HDAC11: variants seen among roughly 807,000 people sequenced by gnomAD.
The protein encoded by HDAC11 is histone deacetylase 11.
In HDAC11, 23 loss-of-function variants were observed where a neutral mutation model predicts 41.1. The ratio of observed to expected loss-of-function variants is 0.56; its 90% CI spans 0.40 to 0.79. The LOEUF (loss-of-function observed/expected upper bound fraction) is 0.79. Ranked by LOEUF, HDAC11 falls within the 30% of genes least tolerant of loss-of-function variation. The probability of loss-of-function intolerance (pLI) is 0.00; values close to 1 mark genes in which losing one functional copy is unlikely to be tolerated. For synonymous variants in HDAC11, 187 were observed against 186.6 expected (o/e 1.00, Z -0.02); for missense variants, 402 against 477.3 (o/e 0.84, Z 1.47).
chr3:13,504,468 G>A lies in HDAC11; in HGVS notation c.829G>A (p.Gly277Ser). The A allele has an allele frequency of 6.2e-7, 1 of 1,613,074 alleles. No individual in the cohort carries two copies. The highest frequency in any genetic ancestry group is 8.5e-7 in the Non-Finnish European group (1 of 1,179,980). Residue 277 changes from glycine to serine, a missense_variant and splice_region_variant, in exon 10 of 10, where the codon GGC becomes AGC. By Grantham distance (56) the Gly-to-Ser change is moderately conservative (BLOSUM62 0). Transcript: ENST00000295757. ...AGTCACCCTCCTCTTCCCCTAACAGGGCATCGTGAAGCGGGATGAGCTGGT... is the reference window on the plus strand; with the variant it reads ...AGTCACCCTCCTCTTCCCCTAACAGAGCATCGTGAAGCGGGATGAGCTGGT... ...RLGGLSISPAGIVKRDELVFR... is the reference protein window; with the variant it reads ...RLGGLSISPASIVKRDELVFR...
intron 3 of HDAC11, among the ~76,000 whole-genome samples, chr3:13,487,042 C>T (rs1452950114): frequency 6.6e-6 from 1 of 152,168 alleles, no homozygotes; most frequent in Non-Finnish European, 1.5e-5. Flanking sequence ...AGCCCCAGGC[C>T]ACACAAGGTC....
chr3:13,481,291 G>A lies in HDAC11; in HGVS notation c.48G>A (p.Trp16Ter). The stretch of plus-strand genomic sequence containing the variant: ...ACCAGCATGTGCCAGAGACACGCTG[G>A]CCAATCGTGTACTCGCCGCGCTACA... ...QLYQHVPETR[W>*]PIVYSPRYNI... is the part of the protein sequence containing the mutation. The change falls in exon 2 of 10, where the codon TGG becomes TGA. Residue 16 changes from tryptophan to a stop codon, truncating the protein, a stop_gained. Transcript: ENST00000295757. LOFTEE classifies it high-confidence loss of function. 3 of 1,612,930 alleles carry A rather than the reference G, an allele frequency of 1.9e-6. No individual in the cohort carries two copies. The highest frequency in any genetic ancestry group is 1.7e-6 in the Non-Finnish European group (2 of 1,180,008).
intron 3 of HDAC11, among the ~76,000 whole-genome samples, chr3:13,491,065 T>G (rs969093316): frequency 1.5e-5 from 2 of 134,688 alleles, no homozygotes; most frequent in African/African-American, 5.6e-5. Flanking sequence ...TTAGCTTTAA[T>G]AGTTGTGTGT....
rs1427589791 is a variant in HDAC11 at position 13,506,167 on chromosome 3, C to T, written c.*1484C>T. ...TTGCCGTTGGTCTCTGTCGCTGACTCGAGGCACCTAACATCCATTCACACC... is the reference window on the plus strand; with the variant it reads ...TTGCCGTTGGTCTCTGTCGCTGACTTGAGGCACCTAACATCCATTCACACC... On this transcript the variant is annotated 3_prime_UTR_variant, in exon 10 of 10. Coordinates refer to ENST00000295757, the MANE Select transcript of HDAC11 (RefSeq NM_024827.4). 7.9e-5 allele frequency: 12 copies of T among 152,240 alleles called. No homozygotes were observed. Among genetic ancestry groups the T allele is most frequent in the South Asian group, 4.1e-4 (2 of 4,834 alleles). The allele number at this position is 152,240 out of a possible 1,614,324, so 9.4% of individuals were successfully genotyped here. A position where few individuals can be genotyped will look rare whatever the true frequency, so the allele number is the denominator to read the frequency against.
chr3:13,498,407 C>T (rs571158344), intron 4 of HDAC11, 106 bp from the exon 5 acceptor site: 3 of 1,398,318 alleles, frequency 2.1e-6, no homozygotes, highest in African/African-American at 2.8e-5. Flanking sequence ...ATCCTTCCCC[C>T]AGAGCTGGCT....
Position 13,500,693 on chromosome 3 carries a change from C to T in HDAC11, c.413-20C>T, listed in dbSNP as rs377504911. The T allele has an allele frequency of 2.0e-5, 31 of 1,570,326 alleles. No individual in the cohort carries two copies. Among genetic ancestry groups the T allele is most frequent in the East Asian group, 4.6e-5 (2 of 43,394 alleles). On this transcript the variant is annotated intron_variant, in intron 5 of 9. Transcript: ENST00000295757. ...CTGGGAGCCTGGCTCTGAGCAGCAC[C>T]GCTCTCTGCCCTTCCGCAGGGGGTG...
chr3:13,502,166 G>T lies in HDAC11; in HGVS notation c.552+233G>T, dbSNP rs891788824. Reference sequence around the variant, plus strand: ...CTCCTCCTGACTGCCCCCACATGAGGCTCTTCCTGAAGCCCACTCTGATGG... The same window carrying T: ...CTCCTCCTGACTGCCCCCACATGAGTCTCTTCCTGAAGCCCACTCTGATGG... On this transcript the variant is annotated intron_variant, in intron 7 of 9. Coordinates refer to ENST00000295757, the MANE Select transcript of HDAC11 (RefSeq NM_024827.4). This position sits in a 1 kb window ranked among gnomAD's most constrained non-coding sequence, Gnocchi z 4.1. 1.1e-5 allele frequency: 6 copies of T among 548,460 alleles called. No homozygotes were observed. The South Asian group carries it at 1.4e-4, about 13-fold the overall frequency. 34.0% of individuals were successfully genotyped at this position (548,460 alleles called of 1,614,324 possible).
At position 13,480,864 on chromosome 3, in the gene HDAC11, G is replaced by A. The variant is rs1701282568; in HGVS notation, c.3-382G>A. ...CCTCACAACAGCCACACATTTTGCA[G>A]CCGAAGCCTTGTGCCACACAGCTGT... On this transcript the variant is annotated intron_variant, in intron 1 of 9. Coordinates refer to ENST00000295757, the MANE Select transcript of HDAC11 (RefSeq NM_024827.4). This position sits in a 1 kb window ranked among gnomAD's most constrained non-coding sequence, Gnocchi z 4.6. The A allele has an allele frequency of 2.6e-6, 1 of 386,356 alleles. No homozygotes were observed. Among genetic ancestry groups the A allele is most frequent in the Non-Finnish European group, 5.4e-6 (1 of 185,568 alleles). The allele number at this position is 386,356 out of a possible 1,614,324, so 23.9% of individuals were successfully genotyped here.
intron 9 of HDAC11, 57 bp from the exon 10 acceptor site, chr3:13,504,411 C>T (rs1702517234): frequency 3.7e-6 from 6 of 1,601,280 alleles, no homozygotes; most frequent in Admixed American, 1.7e-5. Context: ...TGCAGCAGGA[C>T]TTCCTGACAC....
At chr3:13,499,255 C>T (rs768978204) in intron 5 of HDAC11, among the ~76,000 whole-genome samples, 87 of 152,172 alleles carry the variant, frequency 5.7e-4, no homozygotes, top group Non-Finnish European at 8.5e-4. Flanking sequence ...CCGCAACCTC[C>T]GCCTCCCAGG....
At chr3:13,489,631 A>G (rs1224082721) in intron 3 of HDAC11, among the ~76,000 whole-genome samples, 1 of 152,220 alleles carries the variant, frequency 6.6e-6, no homozygotes, top group Non-Finnish European at 1.5e-5. Flanking sequence ...CGGTGGCTCC[A>G]TCTTGGCTCA....
In HDAC11 at chr3:13,505,218, T is replaced by G. The variant is rs1043993015; in HGVS notation, c.*535T>G. The G allele has an allele frequency of 1.2e-5, 2 of 162,370 alleles. No homozygotes were observed. Among genetic ancestry groups the G allele is most frequent in the Non-Finnish European group, 2.7e-5 (2 of 73,364 alleles). The allele number at this position is 162,370 out of a possible 1,614,324, so 10.1% of individuals were successfully genotyped here. On this transcript the variant is annotated 3_prime_UTR_variant, in exon 10 of 10. Transcript: ENST00000295757. ...CTGGAGCTAGGTCTCCAGGTGGGCC[T>G]GGTTCCCAGGCAGCAGGTGGGAACC...
rs1461613089 is a variant in HDAC11 at position 13,505,004 on chromosome 3, C to T, written c.*321C>T. 7.4e-6 allele frequency: 3 copies of T among 408,008 alleles called. No homozygotes were observed. The East Asian group carries it at 1.4e-4, about 19-fold the overall frequency. The allele number at this position is 408,008 out of a possible 1,614,324, so 25.3% of individuals were successfully genotyped here. ...GCTAGGTCCCAGGCACAGCGAGGGC[C>T]CTGGGCTTGGGGTGTTCTGGTTTTG... is the stretch of plus-strand genomic sequence containing the variant. On this transcript the variant is annotated 3_prime_UTR_variant, in exon 10 of 10. Coordinates refer to ENST00000295757, the MANE Select transcript of HDAC11 (RefSeq NM_024827.4).
At position 13,502,620 on chromosome 3, in the gene HDAC11, G is replaced by T. The variant is rs1702424778; in HGVS notation, c.553-264G>T. On this transcript the variant is annotated intron_variant, in intron 7 of 9. Coordinates refer to ENST00000295757, the MANE Select transcript of HDAC11 (RefSeq NM_024827.4). The surrounding 1 kb of genome is among the most constrained non-coding windows in gnomAD (Gnocchi z 4.1). ...TCCCAACCAGTCCCACCACAGACTT[G>T]AGAGGGTGGCAGAGCGGGATTTCTT... is the stretch of plus-strand genomic sequence containing the variant. 1 of 404,076 alleles carries T rather than the reference G, an allele frequency of 2.5e-6. No individual in the cohort carries two copies. The highest frequency in any genetic ancestry group is 4.0e-5 in the Admixed American group (1 of 25,044). 25.0% of individuals were successfully genotyped at this position (404,076 alleles called of 1,614,324 possible).
chr3:13,500,139 C>A (rs78181172), intron 5 of HDAC11, among the ~76,000 whole-genome samples: 8,881 of 152,102 alleles, frequency 0.058, 481 homozygotes, highest in East Asian at 0.25. Context: ...CACTGTCTGA[C>A]GGAGCAGTTG....
At chr3:13,484,753 G>A (rs1434630707) in intron 3 of HDAC11, among the ~76,000 whole-genome samples, 1 of 152,194 alleles carries the variant, frequency 6.6e-6, no homozygotes, top group Non-Finnish European at 1.5e-5. Flanking sequence ...ACCAAACTGG[G>A]CACACTGGCT....
In HDAC11 at chr3:13,481,277, C is replaced by T. The variant is rs368815162; in HGVS notation, c.34C>T (p.Pro12Ser). The change falls in exon 2 of 10, where the codon CCA becomes TCA. Residue 12 changes from proline to serine, a missense_variant. Pro to Ser is a moderately conservative substitution (Grantham distance 74, BLOSUM62 -1). Transcript: ENST00000295757. Reference sequence around the variant, plus strand: ...CACAACCCAGCTGTACCAGCATGTGCCAGAGACACGCTGGCCAATCGTGTA... The same window carrying T: ...CACAACCCAGCTGTACCAGCATGTGTCAGAGACACGCTGGCCAATCGTGTA... ...LHTTQLYQHV[P>S]ETRWPIVYSP... is the part of the protein sequence containing the mutation. 6 of 1,612,408 alleles carry T rather than the reference C, an allele frequency of 3.7e-6. No homozygotes were observed. The African/African-American group carries it at 5.3e-5, about 14-fold the overall frequency.
chr3:13,498,465 T>A, intron 4 of HDAC11, 48 bp from the exon 5 acceptor site: 1 of 1,611,548 alleles, frequency 6.2e-7, no homozygotes, highest in Non-Finnish European at 8.5e-7. Context: ...AATGAATGAC[T>A]GGTGGATCGG....
intron 3 of HDAC11, among the ~76,000 whole-genome samples, chr3:13,484,533 A>AT (rs5846808): frequency 0.094 from 14,072 of 149,996 alleles, 886 homozygotes; most frequent in East Asian, 0.27. Flanking sequence ...ACATTTCCTG[A>AT]TTTTTTTTTT....
Sources: allele counts gnomAD v4.1 joint callset (sites outside exome capture counted in the v4.1 genomes callset), GRCh38; gene constraint gnomAD v4.1.1; non-coding constraint Gnocchi (gnomAD v3.1); transcripts MANE v1.5; gene names NCBI Gene and HGNC (gene_info 2026-07-23, HGNC 2026-07-21).